The following NSG1 variants were observed in gnomAD, a reference collection of about 807,000 sequenced individuals.
The protein encoded by NSG1 is neuronal vesicle trafficking associated 1, also known as neuronal vesicle trafficking-associated protein 1.
A neutral mutation model predicts 19.3 loss-of-function variants in NSG1; 9 were observed. That is an observed-to-expected ratio of 0.47 (90% confidence interval 0.28 to 0.81). The LOEUF is 0.81. NSG1 is among the 40% of genes least tolerant of loss of function. The probability of loss-of-function intolerance (pLI) is 0.11; values close to 1 mark genes in which losing one functional copy is unlikely to be tolerated. For missense variants in NSG1, 236 were observed against 242.4 expected, an observed-to-expected ratio of 0.97 and a Z score of 0.18; for synonymous variants, 104 against 107.0, an observed-to-expected ratio of 0.97 and a Z score of 0.17.
At chr4:4,409,509 G>A (rs966102658) in intron 3 of NSG1, 64 bp from the exon 4 acceptor site, 9 of 1,205,738 alleles carry the variant, frequency 7.5e-6, no homozygotes, top group South Asian at 1.2e-5. Context: ...CTTCGTGTGC[G>A]GGTGTGTGTG....
chr4:4,410,080 T>G (rs1042776689), intron 4 of NSG1, among the ~76,000 whole-genome samples: 1 of 151,820 alleles, frequency 6.6e-6, no homozygotes, highest in African/African-American at 2.4e-5. Context: ...GAGGAGAGGA[T>G]GTACTGGGGG....
chr4:4,387,985 G>T lies in NSG1; in HGVS notation c.129+227G>T, dbSNP rs1722823428. The stretch of plus-strand genomic sequence containing the variant: ...CTTAGATGATATTCTCGTCCTGACA[G>T]TGGAACGCGGTGGGGCAAGATTCCT... On this transcript the variant is annotated intron_variant, in intron 2 of 4. Coordinates refer to ENST00000621129, the MANE Select transcript of NSG1 (RefSeq NM_014392.5). Among the ~76,000 whole-genome samples the T allele has an allele frequency of 4.7e-5, 7 of 150,512 alleles. No individual in the cohort carries two copies. In the Admixed American group the frequency reaches 4.7e-4, roughly 10 times the overall value.
intron 3 of NSG1, among the ~76,000 whole-genome samples, chr4:4,397,176 T>C (rs1400759906): frequency 1.3e-5 from 2 of 151,756 alleles, no homozygotes; most frequent in Non-Finnish European, 1.5e-5. Context: ...TTAAACTGAA[T>C]TACTCAGCAG....
At chr4:4,398,532 T>A (rs1339647100) in intron 3 of NSG1, among the ~76,000 whole-genome samples, 1 of 152,178 alleles carries the variant, frequency 6.6e-6, no homozygotes, top group African/African-American at 2.4e-5. Flanking sequence ...AAATAGAATC[T>A]TGTAAGATGT....
At chr4:4,396,332 C>G (rs947710505) in intron 3 of NSG1, among the ~76,000 whole-genome samples, 1 of 152,168 alleles carries the variant, frequency 6.6e-6, no homozygotes, top group African/African-American at 2.4e-5. Flanking sequence ...TCCAGCCCTT[C>G]GTGCTTCGTG....
intron 3 of NSG1, among the ~76,000 whole-genome samples, chr4:4,403,866 T>G (rs920137803): frequency 2.0e-5 from 3 of 152,208 alleles, no homozygotes; most frequent in Non-Finnish European, 4.4e-5. Context: ...AGTGTTTTGG[T>G]GTGAGAGTAT....
intron 3 of NSG1, among the ~76,000 whole-genome samples, chr4:4,398,434 G>T (rs1344335787): frequency 6.6e-6 from 1 of 150,782 alleles, no homozygotes; most frequent in African/African-American, 2.5e-5. Flanking sequence ...CCATTAAGCA[G>T]TCACTCCCAT....
At chr4:4,388,256 G>A (rs527397443) in intron 2 of NSG1, among the ~76,000 whole-genome samples, 1 of 152,348 alleles carries the variant, frequency 6.6e-6, no homozygotes, top group African/African-American at 2.4e-5. Flanking sequence ...GCCTGCCCCT[G>A]CCAGGCTGGC....
intron 3 of NSG1, among the ~76,000 whole-genome samples, chr4:4,392,421 T>C (rs1447649352): frequency 6.6e-6 from 1 of 152,128 alleles, no homozygotes; most frequent in Non-Finnish European, 1.5e-5. Context: ...CCTGTCTGGC[T>C]CTCTGGTCAC....
intron 2 of NSG1, among the ~76,000 whole-genome samples, chr4:4,390,949 G>C (rs566005851): frequency 6.6e-6 from 1 of 152,016 alleles, no homozygotes; most frequent in Non-Finnish European, 1.5e-5. Context: ...AGGAGGATGT[G>C]GGGGTGGAGA....
chr4:4,397,749 T>C (rs1335236644), intron 3 of NSG1, among the ~76,000 whole-genome samples: 1 of 152,062 alleles, frequency 6.6e-6, no homozygotes, highest in Non-Finnish European at 1.5e-5. Context: ...GGACACATAT[T>C]CCCTCCTTAT....
At chr4:4,403,508 C>T (rs1723681523) in intron 3 of NSG1, among the ~76,000 whole-genome samples, 1 of 152,238 alleles carries the variant, frequency 6.6e-6, no homozygotes, top group South Asian at 2.1e-4. Context: ...TCAGCAGGGG[C>T]ACCTCCCTCT....
At chr4:4,410,032 G>C (rs930368804) in intron 4 of NSG1, among the ~76,000 whole-genome samples, 2 of 152,224 alleles carry the variant, frequency 1.3e-5, no homozygotes, top group Non-Finnish European at 2.9e-5. Flanking sequence ...CTCTGGGGGA[G>C]GGAGGGAGAG....
At chr4:4,406,804 C>T (rs377603161) in intron 3 of NSG1, among the ~76,000 whole-genome samples, 32 of 152,332 alleles carry the variant, frequency 2.1e-4, no homozygotes, top group South Asian at 8.3e-4. Context: ...GTCTGTGCTC[C>T]GGCCCCTGTC....
intron 2 of NSG1, among the ~76,000 whole-genome samples, chr4:4,389,819 G>C (rs879777597): frequency 2.0e-5 from 3 of 152,158 alleles, no homozygotes; most frequent in Non-Finnish European, 4.4e-5. Context: ...GCAGAGTCAG[G>C]GCTGGTCTCC....
intron 3 of NSG1, among the ~76,000 whole-genome samples, chr4:4,394,540 C>G (rs1723157275): frequency 1.3e-5 from 2 of 152,100 alleles, no homozygotes; most frequent in African/African-American, 4.8e-5. Flanking sequence ...AAGCATAGGC[C>G]CCCTCGACCT....
chr4:4,402,859 G>C (rs1357950008), intron 3 of NSG1, among the ~76,000 whole-genome samples: 1 of 152,232 alleles, frequency 6.6e-6, no homozygotes, highest in Non-Finnish European at 1.5e-5. Flanking sequence ...GGAGAAGCCA[G>C]GCATGGGAAT....
chr4:4,393,185 GC>G (rs987246112), intron 3 of NSG1, among the ~76,000 whole-genome samples: 30 of 152,246 alleles, frequency 2.0e-4, no homozygotes, highest in Middle Eastern at 3.4e-3. Context: ...GGCCCCACTT[GC>G]CCTTTGCTTT....
At chr4:4,412,515 C>A (rs558121648) in intron 4 of NSG1, among the ~76,000 whole-genome samples, 1 of 151,814 alleles carries the variant, frequency 6.6e-6, no homozygotes, top group African/African-American at 2.4e-5. Flanking sequence ...GGAGAAGGCA[C>A]CTAGGAAGGC....
Sources: allele counts gnomAD v4.1 joint callset (sites outside exome capture counted in the v4.1 genomes callset), GRCh38; gene constraint gnomAD v4.1.1; transcripts MANE v1.5; gene names NCBI Gene and HGNC (gene_info 2026-07-23, HGNC 2026-07-21).